Variants in HHIP observed in about 807,000 individuals in gnomAD.
HHIP encodes hedgehog interacting protein, also known as hedgehog-interacting protein.
Under a neutral mutation model 74.0 loss-of-function variants are expected in HHIP, and 12 were observed. That is an observed-to-expected ratio of 0.16 (90% CI 0.10 to 0.26). The LOEUF (loss-of-function observed/expected upper bound fraction) is 0.26, where lower values mean the gene tolerates loss of function less well. HHIP is among the 10% of genes least tolerant of loss of function. The pLI is 1.00. For synonymous variants in HHIP, 309 were observed against 311.6 expected (o/e 0.99, Z 0.09); for missense variants, 788 against 845.0 (o/e 0.93, Z 0.84).
At chr4:144,654,598 C>T (rs1728512032) in intron 2 of HHIP, among the ~76,000 whole-genome samples, 1 of 152,122 alleles carries the variant, frequency 6.6e-6, no homozygotes, top group Non-Finnish European at 1.5e-5. Context: ...CGATTTGTTG[C>T]CTGGATTGAT....
At chr4:144,670,755 TTAAGA>T (rs1298008482) in intron 4 of HHIP, among the ~76,000 whole-genome samples, 2 of 110,784 alleles carry the variant, frequency 1.8e-5, no homozygotes, top group Non-Finnish European at 3.7e-5. Flanking sequence ...GAAAAGATGC[TTAAGA>T]TTTGAAAAAA....
At chr4:144,711,169 CTT>C (rs1298509319) in intron 7 of HHIP, among the ~76,000 whole-genome samples, 1 of 152,260 alleles carries the variant, frequency 6.6e-6, no homozygotes, top group East Asian at 1.9e-4. Flanking sequence ...TAGGGACCAG[CTT>C]TACTATATTC....
At chr4:144,664,719 G>A (rs2126596424) in intron 4 of HHIP, among the ~76,000 whole-genome samples, 1 of 152,198 alleles carries the variant, frequency 6.6e-6, no homozygotes, top group East Asian at 1.9e-4. Context: ...GCACACATTA[G>A]GTTAGAATAA....
At position 144,659,850 on chromosome 4, in the gene HHIP, A is replaced by G; in HGVS notation, c.831+12A>G. The stretch of plus-strand genomic sequence containing the variant: ...AAAGTGGAATAAAGGTTGGCTTTTT[A>G]AATTTTATTTATTTTTGTGCTGGCT... On this transcript the variant is annotated intron_variant, in intron 4 of 12. Transcript: ENST00000296575. The G allele has an allele frequency of 6.3e-7, 1 of 1,595,754 alleles. No individual in the cohort carries two copies. The highest frequency in any genetic ancestry group is 8.6e-7 in the Non-Finnish European group (1 of 1,165,186).
intron 11 of HHIP, among the ~76,000 whole-genome samples, chr4:144,734,416 A>C (rs1731049699): frequency 6.6e-6 from 1 of 152,120 alleles, no homozygotes; most frequent in Non-Finnish European, 1.5e-5. Context: ...CTTTACTTTA[A>C]ATATTGCAAT....
chr4:144,687,250 A>G (rs1729517508), intron 4 of HHIP, among the ~76,000 whole-genome samples: 1 of 152,216 alleles, frequency 6.6e-6, no homozygotes, highest in Non-Finnish European at 1.5e-5. Flanking sequence ...ACATTGCAAT[A>G]AGTATGGCTT....
At chr4:144,667,428 C>T (rs915075237) in intron 4 of HHIP, among the ~76,000 whole-genome samples, 4 of 152,146 alleles carry the variant, frequency 2.6e-5, no homozygotes, top group Admixed American at 1.3e-4. Flanking sequence ...AGCATTCGCA[C>T]CAAAATAATA....
chr4:144,695,832 T>C (rs1578705251), intron 4 of HHIP, among the ~76,000 whole-genome samples: 1 of 151,878 alleles, frequency 6.6e-6, no homozygotes, highest in East Asian at 1.9e-4. Context: ...TATCCACAAA[T>C]CTTTATCAAA....
At chr4:144,699,002 G>A (rs544176702) in intron 4 of HHIP, among the ~76,000 whole-genome samples, 50 of 152,252 alleles carry the variant, frequency 3.3e-4, no homozygotes, top group South Asian at 1.2e-3. Context: ...CACCAAATGA[G>A]AGGTTTACTC....
chr4:144,658,738 G>T, intron 2 of HHIP, 52 bp from the exon 3 acceptor site: 4 of 1,452,438 alleles, frequency 2.8e-6, no homozygotes, highest in South Asian at 1.3e-5. Flanking sequence ...AAATAAGGTG[G>T]TTTTACTATG....
intron 4 of HHIP, among the ~76,000 whole-genome samples, chr4:144,675,771 C>G (rs1382005834): frequency 6.6e-6 from 1 of 151,752 alleles, no homozygotes; most frequent in Non-Finnish European, 1.5e-5. Flanking sequence ...AATTACACAC[C>G]TAATTTTTAA....
At chr4:144,698,644 G>A (rs1440465447) in intron 4 of HHIP, among the ~76,000 whole-genome samples, 1 of 152,126 alleles carries the variant, frequency 6.6e-6, no homozygotes, top group Non-Finnish European at 1.5e-5. Context: ...AAGTTTAAAG[G>A]AAAACCAAAT....
Position 144,708,155 on chromosome 4 carries a change from C to T in HHIP, c.1158-13C>T, listed in dbSNP as rs934491552. The T allele has an allele frequency of 2.5e-6, 4 of 1,613,494 alleles. No individual in the cohort carries two copies. Among genetic ancestry groups the T allele is most frequent in the East Asian group, 4.5e-5 (2 of 44,868 alleles). ...AAAATGTAAAACACATACTCTGTCC[C>T]CCAATTTCTCAGTGATTTCACAGGC... On this transcript the variant is annotated splice_polypyrimidine_tract_variant and intron_variant, in intron 6 of 12. Coordinates refer to ENST00000296575, the MANE Select transcript of HHIP (RefSeq NM_022475.3).
intron 10 of HHIP, among the ~76,000 whole-genome samples, chr4:144,715,923 A>T (rs1907866): frequency 0.38 from 57,170 of 152,050 alleles, 13,421 homozygotes; most frequent in South Asian, 0.52. Flanking sequence ...CTGAGTGCAG[A>T]TCTTCTTTCC....
chr4:144,648,999 A>G (rs1728346136), intron 1 of HHIP, among the ~76,000 whole-genome samples: 1 of 152,214 alleles, frequency 6.6e-6, no homozygotes, highest in African/African-American at 2.4e-5. Context: ...TTATAAATCA[A>G]CAATACCCAA....
chr4:144,655,536 G>A (rs1411633173), intron 2 of HHIP, among the ~76,000 whole-genome samples: 2 of 152,104 alleles, frequency 1.3e-5, no homozygotes, highest in African/African-American at 2.4e-5. Flanking sequence ...AGTTCAATTG[G>A]TATAATCCTA....
intron 11 of HHIP, among the ~76,000 whole-genome samples, chr4:144,724,973 T>C (rs1042662951): frequency 5.9e-5 from 9 of 152,004 alleles, no homozygotes; most frequent in African/African-American, 1.9e-4. Context: ...GAGACTTATA[T>C]ATTGAGTGAA....
At chr4:144,689,796 A>G (rs1169291398) in intron 4 of HHIP, among the ~76,000 whole-genome samples, 1 of 151,916 alleles carries the variant, frequency 6.6e-6, no homozygotes, top group African/African-American at 2.4e-5. Flanking sequence ...TTCTAGGTAA[A>G]TTATTTTATT....
intron 4 of HHIP, among the ~76,000 whole-genome samples, chr4:144,687,751 CTTTTTTTTTTTT>C (rs5862719): frequency 1.5e-4 from 11 of 73,446 alleles, no homozygotes; most frequent in African/African-American, 3.8e-4. Flanking sequence ...CTTTTGGCAA[CTTTTTTTTTTTT>C]TTTTTTTTTT....
Sources: gnomAD v4.1 joint callset for allele counts (sites outside exome capture counted in the v4.1 genomes callset) on GRCh38, gnomAD v4.1.1 for gene constraint, MANE v1.5 for transcripts, NCBI Gene and HGNC (gene_info 2026-07-23, HGNC 2026-07-21) for gene names.